ACAA2: variants seen among roughly 807,000 people sequenced by gnomAD.
ACAA2 encodes acetyl-CoA acyltransferase 2.
In ACAA2, 35 loss-of-function variants were observed where a neutral mutation model predicts 44.8. The ratio of observed to expected loss-of-function variants is 0.78; its 90% CI spans 0.60 to 1.04. ACAA2 has a LOEUF of 1.04. ACAA2 is among the 50% of genes least tolerant of loss of function. The probability of loss-of-function intolerance (pLI) is 0.00; values close to 1 mark genes in which losing one functional copy is unlikely to be tolerated. For synonymous variants in ACAA2, 142 were observed against 166.5 expected, an observed-to-expected ratio of 0.85 and a Z score of 1.13; for missense variants, 468 against 482.6, an observed-to-expected ratio of 0.97 and a Z score of 0.28.
At chr18:49,804,234 A>G (rs141610270) in intron 1 of ACAA2, among the ~76,000 whole-genome samples, 1 of 152,192 alleles carries the variant, frequency 6.6e-6, no homozygotes, top group African/African-American at 2.4e-5. Flanking sequence ...ATTTCTTTAT[A>G]TTGAACTAAC....
At chr18:49,804,305 A>G (rs1476964762) in intron 1 of ACAA2, among the ~76,000 whole-genome samples, 8 of 152,208 alleles carry the variant, frequency 5.3e-5, no homozygotes, top group Admixed American at 5.2e-4. Flanking sequence ...CAACACAGAT[A>G]GAGATGTAGT....
At chr18:49,792,056 A>G (rs2023407741) in intron 6 of ACAA2, 96 bp downstream of exon 6, 1 of 991,794 alleles carries the variant, frequency 1.0e-6, no homozygotes, top group Non-Finnish European at 1.5e-6. Context: ...CTAAACAACT[A>G]AAGACTGGCA....
chr18:49,793,546 G>C (rs1208023387), intron 5 of ACAA2, among the ~76,000 whole-genome samples: 1 of 152,232 alleles, frequency 6.6e-6, no homozygotes. Context: ...ACACGAGTTA[G>C]ATGGCATCAG....
At chr18:49,809,847 T>C (rs1042412694) in intron 1 of ACAA2, among the ~76,000 whole-genome samples, 1 of 152,188 alleles carries the variant, frequency 6.6e-6, no homozygotes, top group Non-Finnish European at 1.5e-5. Flanking sequence ...ATACAATGAA[T>C]GAACTTGAAT....
rs1007623071 is a variant in ACAA2, at chr18:49,782,231, CAGT to C, written c.*1613_*1615del. 11 of 152,248 alleles carry C rather than the reference CAGT, an allele frequency of 7.2e-5. 1 individual carries two copies. Among genetic ancestry groups the C allele is most frequent in the Admixed American group, 7.2e-4 (11 of 15,298 alleles). 9.4% of individuals were successfully genotyped at this position (152,248 alleles called of 1,614,324 possible). On this transcript the variant is annotated 3_prime_UTR_variant, in exon 10 of 10. Coordinates refer to ENST00000285093, the MANE Select transcript of ACAA2 (RefSeq NM_006111.3). ...CTCTTACTTTTTAATATTTTTATGA[CAGT>C]AGAGGAAGCCTGCTGCTTCTCAGTA...
intron 1 of ACAA2, among the ~76,000 whole-genome samples, chr18:49,806,149 A>AGTT: frequency 2.6e-5 from 4 of 152,224 alleles, no homozygotes; most frequent in Non-Finnish European, 4.4e-5. Flanking sequence ...ATTTATTTAT[A>AGTT]GCAACTAACT....
chr18:49,792,145 T>C lies in ACAA2; in HGVS notation c.753+7A>G. On this transcript the variant is annotated splice_region_variant and intron_variant, in intron 6 of 9. Coordinates refer to ENST00000285093, the MANE Select transcript of ACAA2 (RefSeq NM_006111.3). Reference sequence around the variant, plus strand: ...GAATTCAAGCTAATCTGTGTGGTGATACCAACCGATGCATTCCCTGCAGTA... The same window carrying C: ...GAATTCAAGCTAATCTGTGTGGTGACACCAACCGATGCATTCCCTGCAGTA... 3 of 1,610,974 alleles carry C rather than the reference T, an allele frequency of 1.9e-6. No individual in the cohort carries two copies. The highest frequency in any genetic ancestry group is 1.3e-5 in the African/African-American group (1 of 74,980).
At chr18:49,796,968 A>G (rs1191369768) in intron 3 of ACAA2, among the ~76,000 whole-genome samples, 4 of 20,940 alleles carry the variant, frequency 1.9e-4, no homozygotes, top group South Asian at 1.2e-3. Flanking sequence ...ATATTGAAGT[A>G]TATATATATA....
chr18:49,787,443 CAAG>C (rs2023346377), intron 7 of ACAA2, 82 bp from the exon 8 acceptor site: 4 of 1,028,324 alleles, frequency 3.9e-6, no homozygotes, highest in Non-Finnish European at 5.3e-6. Context: ...TCCTTCTTTC[CAAG>C]TAAGGAAGAA....
chr18:49,798,051 A>G (rs1373969685), intron 2 of ACAA2, among the ~76,000 whole-genome samples: 1 of 152,240 alleles, frequency 6.6e-6, no homozygotes, highest in Non-Finnish European at 1.5e-5. Context: ...ATGCTCCTTA[A>G]CAGAGGAAGT....
chr18:49,788,019 ATGT>A (rs1454418546), intron 7 of ACAA2, among the ~76,000 whole-genome samples: 12 of 152,230 alleles, frequency 7.9e-5, no homozygotes, highest in Non-Finnish European at 1.6e-4. Context: ...AAGTAAGGTG[ATGT>A]TTACAACTCC....
In ACAA2 at chr18:49,802,751, G is replaced by T; in HGVS notation, c.119C>A (p.Ala40Asp). Residue 40 changes from alanine to aspartate, a missense_variant, in exon 2 of 10, where the codon GCC (alanine) becomes GAC (aspartate). Ala to Asp is a moderately radical substitution (Grantham distance 126). Transcript: ENST00000285093. Reference protein sequence around the residue: ...TDLSEFAAKAALSAGKVSPET... With the variant: ...TDLSEFAAKADLSAGKVSPET... ...AGGTGAGACTTTGCCAGCAGACAAGGCAGCCTTGGCAGCAAATTCAGACAA... is the reference window on the plus strand; with the variant it reads ...AGGTGAGACTTTGCCAGCAGACAAGTCAGCCTTGGCAGCAAATTCAGACAA... 6.2e-7 allele frequency: 1 copy of T among 1,614,072 alleles called. No homozygotes were observed. Among genetic ancestry groups the T allele is most frequent in the Non-Finnish European group, 8.5e-7 (1 of 1,180,014 alleles).
chr18:49,809,274 G>C (rs2023643305), intron 1 of ACAA2, among the ~76,000 whole-genome samples: 1 of 152,164 alleles, frequency 6.6e-6, no homozygotes. Flanking sequence ...CAATCAATTT[G>C]TACAGTTAAC....
intron 2 of ACAA2, among the ~76,000 whole-genome samples, chr18:49,801,784 T>TTATATATATATATATATA (rs1418582525): frequency 2.2e-5 from 1 of 44,720 alleles, no homozygotes; most frequent in Non-Finnish European, 3.9e-5. Context: ...CAGAAACTGA[T>TTATATATATATATATATA]CATATATATA....
At chr18:49,786,544 CAT>C (rs1328494229) in intron 8 of ACAA2, 1 of 152,150 alleles carries the variant, frequency 6.6e-6, no homozygotes, top group Non-Finnish European at 1.5e-5. Flanking sequence ...GAGAGATTAT[CAT>C]AGAGGAAATC....
At position 49,787,281 on chromosome 18, in the gene ACAA2, A is replaced by G; in HGVS notation, c.954+10T>C. The stretch of plus-strand genomic sequence containing the variant: ...TTGTTAAAAAAAAAAAAAAAAAAAA[A>G]AACACTTACCTCTACCAAATCCATG... On this transcript the variant is annotated intron_variant, in intron 8 of 9. Coordinates refer to ENST00000285093, the MANE Select transcript of ACAA2 (RefSeq NM_006111.3). 6.8e-7 allele frequency: 1 copy of G among 1,465,366 alleles called. No individual in the cohort carries two copies. Among genetic ancestry groups the G allele is most frequent in the Non-Finnish European group, 9.0e-7 (1 of 1,116,110 alleles). 90.8% of individuals were successfully genotyped at this position (1,465,366 alleles called of 1,614,324 possible). A position where few individuals can be genotyped will look rare whatever the true frequency, so the allele number is the denominator to read the frequency against.
In ACAA2 at chr18:49,783,441, T is replaced by C. The variant is rs1038123593; in HGVS notation, c.*406A>G. Reference sequence around the variant, plus strand: ...AAAAGGGTTAAGATGGTAAAGTTTATGTAATGTGTATCTTATCACAATTTA... The same window carrying C: ...AAAAGGGTTAAGATGGTAAAGTTTACGTAATGTGTATCTTATCACAATTTA... On this transcript the variant is annotated 3_prime_UTR_variant, in exon 10 of 10. Coordinates refer to ENST00000285093, the MANE Select transcript of ACAA2 (RefSeq NM_006111.3). The C allele has an allele frequency of 1.3e-5, 2 of 159,706 alleles. No homozygotes were observed. The highest frequency in any genetic ancestry group is 6.0e-5 in the Admixed American group (1 of 16,628). The allele number at this position is 159,706 out of a possible 1,614,324, so 9.9% of individuals were successfully genotyped here.
chr18:49,801,380 C>A (rs1000049115), intron 2 of ACAA2, among the ~76,000 whole-genome samples: 23 of 152,134 alleles, frequency 1.5e-4, no homozygotes, highest in African/African-American at 4.6e-4. Context: ...TGAGAGAATA[C>A]ATGCTGGGAA....
intron 1 of ACAA2, among the ~76,000 whole-genome samples, chr18:49,806,740 A>G (rs1269041544): frequency 6.6e-6 from 1 of 152,236 alleles, no homozygotes; most frequent in Admixed American, 6.5e-5. Context: ...AAGGATGTAG[A>G]GGAAAATATG....
Sources: gnomAD v4.1 joint callset for allele counts (sites outside exome capture counted in the v4.1 genomes callset) on GRCh38, gnomAD v4.1.1 for gene constraint, MANE v1.5 for transcripts, NCBI Gene and HGNC (gene_info 2026-07-23, HGNC 2026-07-21) for gene names.